Variants in CAMTA1 observed in about 807,000 individuals in gnomAD.
CAMTA1 encodes calmodulin binding transcription activator 1, also known as calmodulin-binding transcription activator 1.
In CAMTA1, 27 loss-of-function variants were observed where a neutral mutation model predicts 170.9. The observed-to-expected ratio is 0.16, with a 90% CI of 0.12 to 0.22. The LOEUF is 0.22. Among genes scored for constraint, CAMTA1 ranks in the 10% least tolerant of loss-of-function variants. CAMTA1 has a pLI of 1.00. For missense variants in CAMTA1, 1,619 were observed against 2,217.2 expected (o/e 0.73, Z 5.42); for synonymous variants, 833 against 891.5 (o/e 0.93, Z 1.17).
rs534728743 is a variant in CAMTA1, at chr1:7,195,434, G to A, written c.303-54057G>A. Reference sequence around the variant, plus strand: ...TCCCTGGGCTTGGTGGCCGAGTGGAGTGAGGAGTGCAGACTCCCCAGCTGC... The same window carrying A: ...TCCCTGGGCTTGGTGGCCGAGTGGAATGAGGAGTGCAGACTCCCCAGCTGC... On this transcript the variant is annotated intron_variant, in intron 4 of 22. Coordinates refer to ENST00000303635, the MANE Select transcript of CAMTA1 (RefSeq NM_015215.4). This position sits in a 1 kb window ranked among gnomAD's most constrained non-coding sequence, Gnocchi z 4.1. Among the ~76,000 whole-genome samples, 2 of 152,328 alleles carry A rather than the reference G, an allele frequency of 1.3e-5. No individual in the cohort carries two copies. Among genetic ancestry groups the A allele is most frequent in the South Asian group, 4.1e-4 (2 of 4,830 alleles).
intron 4 of CAMTA1, among the ~76,000 whole-genome samples, chr1:7,231,463 C>G (rs2149205573): frequency 6.6e-6 from 1 of 152,216 alleles, no homozygotes; most frequent in South Asian, 2.1e-4. Context: ...ACCTCTGCCT[C>G]CCAGGTTCAA....
At chr1:7,406,916 C>A (rs1276556392) in intron 5 of CAMTA1, among the ~76,000 whole-genome samples, 1 of 152,170 alleles carries the variant, frequency 6.6e-6, no homozygotes, top group South Asian at 2.1e-4. Context: ...TCCTAAGACA[C>A]GCACATCCAA....
chr1:6,975,914 T>C (rs1462290861), intron 3 of CAMTA1, among the ~76,000 whole-genome samples: 1 of 152,198 alleles, frequency 6.6e-6, no homozygotes, highest in African/African-American at 2.4e-5. Flanking sequence ...GTATGTGGCC[T>C]TTGGTAACCG....
chr1:6,957,594 A>G (rs1238252198), intron 3 of CAMTA1, among the ~76,000 whole-genome samples: 4 of 152,178 alleles, frequency 2.6e-5, no homozygotes, highest in East Asian at 3.9e-4. Context: ...TTCAGAGAAC[A>G]TCATAGTTCT....
At chr1:7,606,823 G>A (rs2095489941) in intron 6 of CAMTA1, among the ~76,000 whole-genome samples, 1 of 152,206 alleles carries the variant, frequency 6.6e-6, no homozygotes, top group African/African-American at 2.4e-5. Flanking sequence ...AGGGTGAGGA[G>A]GGGTTTGGAG....
intron 3 of CAMTA1, among the ~76,000 whole-genome samples, chr1:7,040,528 C>T (rs1396725553): frequency 6.6e-6 from 1 of 152,122 alleles, no homozygotes; most frequent in African/African-American, 2.4e-5. Context: ...GTTCACAGCA[C>T]CTGAAGGCAT....
chr1:7,752,384 T>A, intron 20 of CAMTA1, 75 bp from the exon 21 acceptor site: 1 of 1,260,386 alleles, frequency 7.9e-7, no homozygotes. Flanking sequence ...CAGAGTCCTC[T>A]GTCACTGCTG....
intron 3 of CAMTA1, among the ~76,000 whole-genome samples, chr1:7,069,569 T>A (rs1390001386): frequency 6.6e-6 from 1 of 152,104 alleles, no homozygotes. Flanking sequence ...TTGGGCCATC[T>A]GGTCCCAGGG....
chr1:7,577,669 G>A (rs1385567856), intron 6 of CAMTA1, among the ~76,000 whole-genome samples: 1 of 152,012 alleles, frequency 6.6e-6, no homozygotes, highest in African/African-American at 2.4e-5. Context: ...TCTTTACAGT[G>A]GTCTCATAAG....
intron 4 of CAMTA1, among the ~76,000 whole-genome samples, chr1:7,237,850 T>A (rs1664167648): frequency 2.0e-5 from 3 of 152,210 alleles, no homozygotes; most frequent in Non-Finnish European, 2.9e-5. Flanking sequence ...AGGGGAACCC[T>A]ACAAAAAGAG....
intron 1 of CAMTA1, among the ~76,000 whole-genome samples, chr1:6,815,076 CTT>C (rs1645624505): frequency 6.6e-6 from 1 of 152,052 alleles, no homozygotes; most frequent in African/African-American, 2.4e-5. Flanking sequence ...TCATCTGTCC[CTT>C]GTTTTAACCT....
intron 3 of CAMTA1, among the ~76,000 whole-genome samples, chr1:6,839,929 A>T (rs1654969147): frequency 6.6e-6 from 1 of 152,168 alleles, no homozygotes; most frequent in Non-Finnish European, 1.5e-5. Context: ...GGTCGGGCAC[A>T]GTGGCTCACG....
chr1:6,795,139 A>G (rs1642174559), intron 1 of CAMTA1, among the ~76,000 whole-genome samples: 1 of 152,182 alleles, frequency 6.6e-6, no homozygotes. Flanking sequence ...ATTTAGAGAC[A>G]CAACTAGTCA....
intron 5 of CAMTA1, among the ~76,000 whole-genome samples, chr1:7,440,227 C>T (rs550274586): frequency 5.6e-4 from 85 of 152,386 alleles, no homozygotes; most frequent in Non-Finnish European, 1.1e-3. Flanking sequence ...CACTTCATGG[C>T]ATGGGAGCCG....
chr1:6,792,663 C>G (rs1240717181), intron 1 of CAMTA1, among the ~76,000 whole-genome samples: 1 of 151,988 alleles, frequency 6.6e-6, no homozygotes, highest in Non-Finnish European at 1.5e-5. Context: ...AAAGGTTCCT[C>G]CATATTCAAC....
chr1:7,493,523 G>C (rs1225913361), intron 6 of CAMTA1, among the ~76,000 whole-genome samples: 1 of 152,178 alleles, frequency 6.6e-6, no homozygotes, highest in Non-Finnish European at 1.5e-5. Context: ...ACGCGCAGGG[G>C]CACACATAAG....
chr1:7,465,036 C>T (rs1194416908), intron 5 of CAMTA1, among the ~76,000 whole-genome samples: 1 of 152,202 alleles, frequency 6.6e-6, no homozygotes, highest in Non-Finnish European at 1.5e-5. Flanking sequence ...AAGCTCAACC[C>T]TTTAAGCCCT....
At chr1:7,546,712 G>T (rs1290553179) in intron 6 of CAMTA1, among the ~76,000 whole-genome samples, 1 of 152,168 alleles carries the variant, frequency 6.6e-6, no homozygotes, top group African/African-American at 2.4e-5. Flanking sequence ...GGCATGAGAT[G>T]GTATCTCATT....
chr1:6,875,307 T>C (rs2149019898), intron 3 of CAMTA1, among the ~76,000 whole-genome samples: 1 of 152,218 alleles, frequency 6.6e-6, no homozygotes, highest in South Asian at 2.1e-4. Context: ...TGTTTTTGTT[T>C]TTTGAGATGG....
Sources: allele counts gnomAD v4.1 joint callset (sites outside exome capture counted in the v4.1 genomes callset), GRCh38; gene constraint gnomAD v4.1.1; non-coding constraint Gnocchi (gnomAD v3.1); transcripts MANE v1.5; gene names NCBI Gene and HGNC (gene_info 2026-07-23, HGNC 2026-07-21).